HNF4A: variants seen among roughly 807,000 people sequenced by gnomAD.
HNF4A encodes hepatocyte nuclear factor 4-alpha.
A neutral mutation model predicts 52.4 loss-of-function variants in HNF4A; 15 were observed. The observed-to-expected ratio is 0.29, with a 90% confidence interval of 0.19 to 0.44. The LOEUF (loss-of-function observed/expected upper bound fraction) is 0.44. Among genes scored for constraint, HNF4A ranks in the 20% least tolerant of loss-of-function variants. The probability of loss-of-function intolerance (pLI) is 1.00; values close to 1 mark genes in which losing one functional copy is unlikely to be tolerated. For synonymous variants in HNF4A, 280 were observed against 264.4 expected, an observed-to-expected ratio of 1.06 and a Z score of -0.57; for missense variants, 479 against 647.2, an observed-to-expected ratio of 0.74 and a Z score of 2.82.
In HNF4A at chr20:44,430,092, G is replaced by C. The variant is rs144306069; in HGVS notation, c.*427G>C. ...TCCAGACAGAGCCCTGTGAGGCTGG[G>C]TCCAATTGTGGCACTTGGGGCACCT... On this transcript the variant is annotated 3_prime_UTR_variant, in exon 10 of 10. Coordinates refer to ENST00000316099, the MANE Select transcript of HNF4A (RefSeq NM_000457.6). 6.0e-6 allele frequency: 1 copy of C among 166,054 alleles called. No homozygotes were observed. Among genetic ancestry groups the C allele is most frequent in the East Asian group, 1.7e-4 (1 of 5,742 alleles). 10.3% of individuals were successfully genotyped at this position (166,054 alleles called of 1,614,324 possible).
intron 1 of HNF4A, among the ~76,000 whole-genome samples, chr20:44,363,703 A>G (rs1242522166): frequency 1.6e-5 from 2 of 127,058 alleles, no homozygotes; most frequent in East Asian, 2.3e-4. Context: ...TTCTCCATCT[A>G]CTCTTTTTTT....
intron 1 of HNF4A, chr20:44,390,815 A>C: frequency 1.6e-6 from 1 of 612,886 alleles, no homozygotes; most frequent in Non-Finnish European, 2.9e-6. Flanking sequence ...AGGAACGTCC[A>C]TGGCCCTGAT....
At position 44,419,755 on chromosome 20, in the gene HNF4A, G is replaced by A. The variant is rs1434690515; in HGVS notation, c.771G>A (p.Glu257=). 2 of 1,614,132 alleles carry A rather than the reference G, an allele frequency of 1.2e-6. No homozygotes were observed. The highest frequency in any genetic ancestry group is 1.7e-5 in the Admixed American group (1 of 60,026). ...ACATTGTCCCTCGGCACTGCCCGGA[G>A]CTGGCGGAGATGAGCCGGGTGTCCA... is the stretch of plus-strand genomic sequence containing the variant. Residue 257 remains glutamate (E), a synonymous_variant, in exon 7 of 10, where the codon GAG becomes GAA. Transcript: ENST00000316099.
chr20:44,390,738 C>A, intron 1 of HNF4A: 1 of 691,762 alleles, frequency 1.4e-6, no homozygotes, highest in Non-Finnish European at 2.6e-6. Context: ...GAGAGAGACA[C>A]AGAACCAAGG....
chr20:44,433,041 C>T (rs1374466107), downstream of HNF4A: 10 of 152,166 alleles, frequency 6.6e-5, no homozygotes. Flanking sequence ...GACATGATTA[C>T]TCCCACTTTC....
intron 1 of HNF4A, among the ~76,000 whole-genome samples, chr20:44,377,318 A>G (rs1016895500): frequency 6.6e-6 from 1 of 152,198 alleles, no homozygotes; most frequent in Non-Finnish European, 1.5e-5. Context: ...AATGTTGAAA[A>G]ACTACCTATT....
At chr20:44,379,730 C>CTT (rs33924202) in intron 1 of HNF4A, among the ~76,000 whole-genome samples, 32 of 109,544 alleles carry the variant, frequency 2.9e-4, no homozygotes, top group African/African-American at 3.6e-4. Context: ...TTTTCTTTTC[C>CTT]TTTTTTTTTT....
At chr20:44,356,612 G>T (rs1372567554) in intron 1 of HNF4A, among the ~76,000 whole-genome samples, 1 of 152,092 alleles carries the variant, frequency 6.6e-6, no homozygotes, top group Admixed American at 6.6e-5. Flanking sequence ...AAGTGAAAAC[G>T]GTACACTGAA....
At chr20:44,390,501 C>G (rs958811495) in intron 1 of HNF4A, 4 of 620,312 alleles carry the variant, frequency 6.4e-6, no homozygotes, top group Admixed American at 2.6e-5. Flanking sequence ...TCCCTGAAAT[C>G]TCATTGTGAC....
rs139591750 is a variant in HNF4A, at chr20:44,418,511, A to G, written c.735A>G (p.Leu245=). 7.3e-4 allele frequency: 1,169 copies of G among 1,610,876 alleles called. 5 individuals carry two copies. In the African/African-American group the frequency reaches 0.015, roughly 20 times the overall value. The stretch of plus-strand genomic sequence containing the variant: ...TGGTGTTCAAGGACGTGCTGCTCCT[A>G]GGTGAGGCGGCTGCCTGCCCTGGCC... The change falls in exon 6 of 10, where the codon CTA becomes CTG. Residue 245 remains leucine (L), a splice_region_variant and synonymous_variant. Coordinates refer to ENST00000316099, the MANE Select transcript of HNF4A (RefSeq NM_000457.6).
At chr20:44,389,523 C>G (rs558188442) in intron 1 of HNF4A, 1 of 152,338 alleles carries the variant, frequency 6.6e-6, no homozygotes, top group Non-Finnish European at 1.5e-5. Flanking sequence ...CATCTGCACC[C>G]CTCTGAGGGG....
chr20:44,400,077 A>C (rs1731309618), upstream of HNF4A, among the ~76,000 whole-genome samples: 1 of 152,242 alleles, frequency 6.6e-6, no homozygotes, highest in South Asian at 2.1e-4. Context: ...TGAGAAGAAC[A>C]GAGTGCACCA....
At chr20:44,419,235 C>A (rs2063709897) in intron 6 of HNF4A, among the ~76,000 whole-genome samples, 1 of 152,208 alleles carries the variant, frequency 6.6e-6, no homozygotes, top group Non-Finnish European at 1.5e-5. Flanking sequence ...CACTGCTTTG[C>A]AAACACTACC....
intron 8 of HNF4A, among the ~76,000 whole-genome samples, chr20:44,426,167 C>T (rs948119299): frequency 6.6e-6 from 1 of 152,024 alleles, no homozygotes; most frequent in Non-Finnish European, 1.5e-5. Flanking sequence ...AAGAGAAGAG[C>T]GTGTTTGAAG....
intron 6 of HNF4A, among the ~76,000 whole-genome samples, chr20:44,419,393 C>G (rs1465487103): frequency 6.6e-6 from 1 of 152,202 alleles, no homozygotes. Flanking sequence ...CAGTGCAGTT[C>G]CAGAATCTGG....
chr20:44,355,894 G>C (rs778120704), intron 1 of HNF4A, 41 bp downstream of exon 1: 4 of 1,566,936 alleles, frequency 2.6e-6, no homozygotes, highest in African/African-American at 2.7e-5. Context: ...GCGGGACTGC[G>C]GTCAGCTTTG....
At chr20:44,387,661 G>GC (rs1417096820) in intron 1 of HNF4A, among the ~76,000 whole-genome samples, 2 of 95,496 alleles carry the variant, frequency 2.1e-5, no homozygotes, top group Non-Finnish European at 4.9e-5. Flanking sequence ...CAGGCGGGGG[G>GC]GGGGGGAGGC....
intron 1 of HNF4A, among the ~76,000 whole-genome samples, chr20:44,392,430 G>T (rs576047017): frequency 1.3e-5 from 2 of 152,022 alleles, no homozygotes; most frequent in African/African-American, 4.8e-5. Context: ...AAATATAGAC[G>T]CCTGGCACCT....
intron 1 of HNF4A, chr20:44,384,566 T>C (rs2146267080): frequency 1.3e-5 from 2 of 152,244 alleles, no homozygotes; most frequent in African/African-American, 4.8e-5. Context: ...GCGCTCCGCG[T>C]TGTGGAACGA....
Sources: allele counts gnomAD v4.1 joint callset (sites outside exome capture counted in the v4.1 genomes callset), GRCh38; gene constraint gnomAD v4.1.1; transcripts MANE v1.5; gene names NCBI Gene and HGNC (gene_info 2026-07-23, HGNC 2026-07-21).